SHB: variants seen among roughly 807,000 people sequenced by gnomAD.
SHB encodes the protein SH2 domain containing adaptor protein B, also known as SH2 domain-containing adapter protein B.
A neutral mutation model predicts 52.3 loss-of-function variants in SHB; 20 were observed. That is an observed-to-expected ratio of 0.38 (90% CI 0.27 to 0.56). The LOEUF (loss-of-function observed/expected upper bound fraction) is 0.56, where lower values mean the gene tolerates loss of function less well. SHB is among the 20% of genes least tolerant of loss of function. SHB has a pLI of 0.71. For missense variants in SHB, 825 were observed against 723.3 expected (o/e 1.14, Z -1.61); for synonymous variants, 397 against 316.5 (o/e 1.25, Z -2.70).
intron 4 of SHB, among the ~76,000 whole-genome samples, chr9:37,952,835 G>A (rs2117904554): frequency 6.6e-6 from 1 of 152,148 alleles, no homozygotes; most frequent in East Asian, 1.9e-4. Flanking sequence ...GAGAAGATCA[G>A]GAGCCCAGTT....
intron 1 of SHB, among the ~76,000 whole-genome samples, chr9:38,062,830 G>A (rs1821911348): frequency 6.6e-6 from 1 of 152,188 alleles, no homozygotes; most frequent in African/African-American, 2.4e-5. Flanking sequence ...AGTTTTATTG[G>A]GATACAGCTG....
At chr9:37,924,249 C>T (rs561375042) in intron 5 of SHB, among the ~76,000 whole-genome samples, 256 of 152,180 alleles carry the variant, frequency 1.7e-3, no homozygotes, top group African/African-American at 6.0e-3. Context: ...TCAAATGTGC[C>T]GGGCACGCAG....
chr9:37,968,798 A>G (rs536749089), intron 3 of SHB, among the ~76,000 whole-genome samples: 13 of 152,202 alleles, frequency 8.5e-5, no homozygotes, highest in Non-Finnish European at 1.6e-4. Context: ...TCATTCCTCT[A>G]TGTATGGCCT....
At chr9:37,958,746 C>T (rs1195157076) in intron 3 of SHB, among the ~76,000 whole-genome samples, 3 of 152,216 alleles carry the variant, frequency 2.0e-5, no homozygotes, top group Admixed American at 2.0e-4. Context: ...ACACACATCA[C>T]CACCAGCATC....
At chr9:38,065,457 GA>G (rs1821949505) in intron 1 of SHB, among the ~76,000 whole-genome samples, 1 of 152,124 alleles carries the variant, frequency 6.6e-6, no homozygotes, top group African/African-American at 2.4e-5. Context: ...CTCAACCTGG[GA>G]AATGATGGAA....
At chr9:38,007,671 C>A (rs1821089351) in intron 2 of SHB, among the ~76,000 whole-genome samples, 1 of 152,234 alleles carries the variant, frequency 6.6e-6, no homozygotes, top group South Asian at 2.1e-4. Flanking sequence ...TTACTGACAA[C>A]CTACTTTGTA....
chr9:37,920,083 G>T, intron 5 of SHB, 79 bp from the exon 6 acceptor site: 2 of 1,137,674 alleles, frequency 1.8e-6, no homozygotes, highest in Non-Finnish European at 2.6e-6. Context: ...AGCTGTCTGG[G>T]ACAGAAGGGA....
chr9:37,981,419 A>G, intron 2 of SHB, among the ~76,000 whole-genome samples: 1 of 152,192 alleles, frequency 6.6e-6, no homozygotes, highest in African/African-American at 2.4e-5. Flanking sequence ...AGAATTGAAG[A>G]GTTAGGGCCT....
intron 3 of SHB, among the ~76,000 whole-genome samples, chr9:37,960,527 G>T (rs1832682292): frequency 6.6e-6 from 1 of 152,206 alleles, no homozygotes; most frequent in South Asian, 2.1e-4. Flanking sequence ...TCTGACTTTG[G>T]TTCCAATGAT....
chr9:38,062,288 A>G (rs1176884932), intron 1 of SHB, among the ~76,000 whole-genome samples: 3 of 152,154 alleles, frequency 2.0e-5, no homozygotes, highest in Admixed American at 2.0e-4. Flanking sequence ...CAACCTCTCT[A>G]AGCCTCAGTT....
intron 1 of SHB, among the ~76,000 whole-genome samples, chr9:38,067,025 G>A (rs555976878): frequency 1.3e-5 from 2 of 152,306 alleles, no homozygotes; most frequent in South Asian, 4.1e-4. Context: ...TTTTATGGGG[G>A]AAGGGAGGGC....
Position 38,045,125 on chromosome 9 carries a change from G to C in SHB, c.717+22804C>G, listed in dbSNP as rs537580938. On this transcript the variant is annotated intron_variant, in intron 1 of 5. Coordinates refer to ENST00000377707, the MANE Select transcript of SHB (RefSeq NM_003028.3). ...GAGTAAAAAGAAGCCTTTCCAAGAGGTAAGGGTCAGCTGGAATGTCAAGCT... is the reference window on the plus strand; with the variant it reads ...GAGTAAAAAGAAGCCTTTCCAAGAGCTAAGGGTCAGCTGGAATGTCAAGCT... Among the ~76,000 whole-genome samples, 12 of 152,328 alleles carry C rather than the reference G, an allele frequency of 7.9e-5. No individual in the cohort carries two copies. The South Asian group carries it at 2.5e-3, about 32-fold the overall frequency.
intron 5 of SHB, among the ~76,000 whole-genome samples, chr9:37,921,159 G>C (rs1832175403): frequency 6.6e-6 from 1 of 152,170 alleles, no homozygotes; most frequent in African/African-American, 2.4e-5. Flanking sequence ...ATTTTCCAAA[G>C]CACAGTCCAC....
chr9:37,996,498 A>C (rs1413352265), intron 2 of SHB, among the ~76,000 whole-genome samples: 2 of 152,220 alleles, frequency 1.3e-5, no homozygotes, highest in Admixed American at 1.3e-4. Context: ...ATAAAGCAGC[A>C]GTTCTTTAAA....
chr9:37,955,357 T>C (rs1251962508), intron 4 of SHB, among the ~76,000 whole-genome samples: 1 of 152,112 alleles, frequency 6.6e-6, no homozygotes, highest in Non-Finnish European at 1.5e-5. Flanking sequence ...ATCCTGGGCC[T>C]ACCACTGGCT....
chr9:37,970,176 G>T (rs1820574593), intron 3 of SHB, among the ~76,000 whole-genome samples: 1 of 152,210 alleles, frequency 6.6e-6, no homozygotes. Context: ...AAGTGGGAGT[G>T]GGGGTCTGGT....
At position 38,048,704 on chromosome 9, in the gene SHB, C is replaced by T. The variant is rs1314494151; in HGVS notation, c.717+19225G>A. On this transcript the variant is annotated intron_variant, in intron 1 of 5. Coordinates refer to ENST00000377707, the MANE Select transcript of SHB (RefSeq NM_003028.3). ...CATTGTTGAGTGTTTTCCATCTTAA[C>T]GATATTGCAGTGGAGTTACTCAACT... Among the ~76,000 whole-genome samples the T allele has an allele frequency of 6.6e-5, 10 of 152,278 alleles. No individual in the cohort carries two copies. In the South Asian group the frequency reaches 1.2e-3, roughly 19 times the overall value.
rs541224737 is a variant in SHB at position 37,970,141 on chromosome 9, A to G, written c.1054+4481T>C. Among the ~76,000 whole-genome samples the G allele has an allele frequency of 8.5e-5, 13 of 152,258 alleles. 1 individual carries two copies. In the South Asian group the frequency reaches 2.7e-3, roughly 32 times the overall value. On this transcript the variant is annotated intron_variant, in intron 3 of 5. Coordinates refer to ENST00000377707, the MANE Select transcript of SHB (RefSeq NM_003028.3). ...AGCCCGTGGTGGAACCTGACTGGGCATTGTCCTGGGGATTGGGATCCGACA... is the reference window on the plus strand; with the variant it reads ...AGCCCGTGGTGGAACCTGACTGGGCGTTGTCCTGGGGATTGGGATCCGACA...
At chr9:37,994,340 C>T (rs527699877) in intron 2 of SHB, among the ~76,000 whole-genome samples, 4 of 152,320 alleles carry the variant, frequency 2.6e-5, no homozygotes, top group South Asian at 4.1e-4. Flanking sequence ...AAATATTATT[C>T]TCTTCTGTCC....
Sources: gnomAD v4.1 joint callset for allele counts (sites outside exome capture counted in the v4.1 genomes callset) on GRCh38, gnomAD v4.1.1 for gene constraint, MANE v1.5 for transcripts, NCBI Gene and HGNC (gene_info 2026-07-23, HGNC 2026-07-21) for gene names.